The following CDYL variants were observed in gnomAD, a reference collection of about 807,000 sequenced individuals.
CDYL encodes chromodomain Y like, also known as chromodomain Y-like protein.
Under a neutral mutation model 47.3 loss-of-function variants are expected in CDYL, and 8 were observed. The observed-to-expected ratio is 0.17, with a 90% CI of 0.10 to 0.31. CDYL has a LOEUF of 0.31. Among genes scored for constraint, CDYL ranks in the 10% least tolerant of loss-of-function variants. The pLI, the probability that CDYL is intolerant of heterozygous loss-of-function variation, is 1.00. For missense variants in CDYL, 471 were observed against 701.4 expected (o/e 0.67, Z 3.71); for synonymous variants, 266 against 265.0 (o/e 1.00, Z -0.04).
intron 1 of CDYL, among the ~76,000 whole-genome samples, chr6:4,712,430 A>G (rs2127406747): frequency 6.6e-6 from 1 of 152,330 alleles, no homozygotes; most frequent in African/African-American, 2.4e-5. Flanking sequence ...CGGAGTGAGA[A>G]AGACAGCAGG....
intron 2 of CDYL, among the ~76,000 whole-genome samples, chr6:4,934,987 C>G (rs1193033002): frequency 3.3e-5 from 5 of 152,206 alleles, no homozygotes; most frequent in African/African-American, 1.2e-4. Flanking sequence ...GAAACAACTC[C>G]TGAGTGTCCC....
At chr6:4,903,200 C>T (rs1175525756) in intron 2 of CDYL, among the ~76,000 whole-genome samples, 1 of 152,182 alleles carries the variant, frequency 6.6e-6, no homozygotes, top group East Asian at 1.9e-4. Flanking sequence ...ACTTAGGGGA[C>T]GTCCTCCAAA....
rs2127427899 is a variant in CDYL at position 4,776,674 on chromosome 6, G to A, written c.-110G>A. ...CGTGCCCAGCGCCCGGCCGGCCGCG[G>A]GAGCAGGAAGCGCAGGCCACGCAGG... On this transcript the variant is annotated 5_prime_UTR_variant, in exon 1 of 7. Transcript: ENST00000397588. 3 of 995,174 alleles carry A rather than the reference G, an allele frequency of 3.0e-6. No individual in the cohort carries two copies. Among genetic ancestry groups the A allele is most frequent in the South Asian group, 1.8e-5 (1 of 56,158 alleles). The allele number at this position is 995,174 out of a possible 1,614,324, so 61.6% of individuals were successfully genotyped here.
intron 2 of CDYL, among the ~76,000 whole-genome samples, chr6:4,732,042 T>C (rs1177370700): frequency 6.6e-6 from 1 of 152,050 alleles, no homozygotes; most frequent in African/African-American, 2.4e-5. Context: ...TGATTTAAAA[T>C]AGGAAAAAAT....
At chr6:4,881,861 A>T (rs912754454) in intron 1 of CDYL, among the ~76,000 whole-genome samples, 2 of 152,210 alleles carry the variant, frequency 1.3e-5, no homozygotes, top group African/African-American at 4.8e-5. Flanking sequence ...AATTCTCCAT[A>T]GGTCTTCTGC....
intron 2 of CDYL, among the ~76,000 whole-genome samples, chr6:4,922,495 G>A (rs559908128): frequency 9.1e-4 from 139 of 152,366 alleles, no homozygotes; most frequent in East Asian, 1.2e-3. Flanking sequence ...GTTAAAGTGT[G>A]TCTACATTGG....
chr6:4,722,919 G>T (rs1226464081), intron 2 of CDYL, among the ~76,000 whole-genome samples: 1 of 152,058 alleles, frequency 6.6e-6, no homozygotes, highest in Admixed American at 6.5e-5. Flanking sequence ...ACACCCCACA[G>T]ACCAAACTGA....
intron 1 of CDYL, among the ~76,000 whole-genome samples, chr6:4,794,066 A>G (rs1169203521): frequency 6.6e-6 from 1 of 152,106 alleles, no homozygotes; most frequent in African/African-American, 2.4e-5. Flanking sequence ...TTTAGGAGTT[A>G]TCCATGTAGT....
chr6:4,904,004 C>T (rs543448415), intron 2 of CDYL, among the ~76,000 whole-genome samples: 54 of 152,254 alleles, frequency 3.5e-4, no homozygotes, highest in African/African-American at 1.3e-3. Context: ...AGCTCAGAGC[C>T]TGGCAGAATG....
chr6:4,951,467 A>C (rs1203986166), intron 5 of CDYL, among the ~76,000 whole-genome samples: 1 of 152,118 alleles, frequency 6.6e-6, no homozygotes, highest in African/African-American at 2.4e-5. Flanking sequence ...GTATTAAAAA[A>C]TAAAGTGATC....
At chr6:4,863,939 A>G (rs959712262) in intron 1 of CDYL, among the ~76,000 whole-genome samples, 5 of 152,192 alleles carry the variant, frequency 3.3e-5, no homozygotes, top group Non-Finnish European at 1.5e-5. Context: ...GAAACACGCT[A>G]AAACCCTAGC....
chr6:4,717,041 C>T (rs1757278337), intron 2 of CDYL, among the ~76,000 whole-genome samples: 1 of 152,058 alleles, frequency 6.6e-6, no homozygotes, highest in Admixed American at 6.6e-5. Context: ...GTCATTGGGG[C>T]ATTCAAGGGA....
intron 1 of CDYL, among the ~76,000 whole-genome samples, chr6:4,855,489 A>G (rs981390212): frequency 6.6e-6 from 1 of 152,170 alleles, no homozygotes; most frequent in African/African-American, 2.4e-5. Context: ...ATTTAAGCCC[A>G]GGGTCCCTTC....
At chr6:4,895,178 T>C (rs551266805) in intron 2 of CDYL, among the ~76,000 whole-genome samples, 2,113 of 7,906 alleles carry the variant, frequency 0.27, 334 homozygotes, top group South Asian at 0.5. Context: ...TGTGTATGTA[T>C]ATATGTGTAT....
At chr6:4,758,351 A>AAAATATATATATATATATATATAT (rs1554134098) in intron 3 of CDYL, among the ~76,000 whole-genome samples, 23 of 129,082 alleles carry the variant, frequency 1.8e-4, no homozygotes, top group African/African-American at 7.0e-4. Flanking sequence ...AAAATAAATA[A>AAAATATATATATATATATATATAT]ATATATATAT....
chr6:4,715,885 A>G (rs1278907321), intron 2 of CDYL: 1 of 1,612,920 alleles, frequency 6.2e-7, no homozygotes, highest in Non-Finnish European at 8.5e-7. Flanking sequence ...AACAACGGTA[A>G]GAACTTGCAG....
chr6:4,862,740 A>G (rs889233867), intron 1 of CDYL, among the ~76,000 whole-genome samples: 1 of 152,220 alleles, frequency 6.6e-6, no homozygotes, highest in African/African-American at 2.4e-5. Context: ...CTTCAAAGAG[A>G]AACTCTATGG....
At chr6:4,900,809 A>G (rs192698182) in intron 2 of CDYL, among the ~76,000 whole-genome samples, 5,139 of 95,742 alleles carry the variant, frequency 0.054, 1,264 homozygotes, top group East Asian at 0.18. Context: ...ATATATATAT[A>G]TATATATATA....
At chr6:4,839,407 G>C (rs1760422851) in intron 1 of CDYL, among the ~76,000 whole-genome samples, 1 of 152,188 alleles carries the variant, frequency 6.6e-6, no homozygotes, top group East Asian at 1.9e-4. Context: ...TTGCTTTACA[G>C]AAGCTTTTTA....
Sources: gnomAD v4.1 joint callset for allele counts (sites outside exome capture counted in the v4.1 genomes callset) on GRCh38, gnomAD v4.1.1 for gene constraint, MANE v1.5 for transcripts, NCBI Gene and HGNC (gene_info 2026-07-23, HGNC 2026-07-21) for gene names.